PCDH11X: variants seen among roughly 807,000 people sequenced by gnomAD.
PCDH11X encodes protocadherin 11 X-linked.
In PCDH11X, 18 loss-of-function variants were observed where a neutral mutation model predicts 53.3. The ratio of observed to expected loss-of-function variants is 0.34; its 90% CI spans 0.23 to 0.50. The LOEUF is 0.50. Among genes scored for constraint, PCDH11X ranks in the 20% least tolerant of loss-of-function variants. The probability of loss-of-function intolerance (pLI) is 0.98; values close to 1 mark genes in which losing one functional copy is unlikely to be tolerated. For synonymous variants in PCDH11X, 279 were observed against 393.3 expected, an observed-to-expected ratio of 0.71 and a Z score of 3.44; for missense variants, 570 against 1,032.4, an observed-to-expected ratio of 0.55 and a Z score of 6.14.
chrX:92,126,710 AGTGTGTGT>A (rs71913292), intron 6 of PCDH11X, among the ~76,000 whole-genome samples: 11 of 100,586 alleles, frequency 1.1e-4, no homozygotes, highest in Admixed American at 2.2e-4. Context: ...ATATGTGGGG[AGTGTGTGT>A]GTGTGTGTGT....
intron 4 of PCDH11X, among the ~76,000 whole-genome samples, chrX:91,827,505 C>T (rs2147601660): frequency 9.1e-6 from 1 of 109,946 alleles, no homozygotes; most frequent in Non-Finnish European, 1.9e-5. Flanking sequence ...TTGTTTTTGG[C>T]ATGTTCATCA....
At chrX:92,043,283 C>T (rs1569324155) in intron 6 of PCDH11X, among the ~76,000 whole-genome samples, 1 of 109,494 alleles carries the variant, frequency 9.1e-6, no homozygotes, top group Non-Finnish European at 1.9e-5. Context: ...AATTAGTGAT[C>T]TTAGCTTTAC....
At chrX:92,399,144 G>C (rs771726046) in intron 9 of PCDH11X, among the ~76,000 whole-genome samples, 2 of 105,632 alleles carry the variant, frequency 1.9e-5, no homozygotes, top group South Asian at 8.8e-4. Flanking sequence ...AGTGAGCTGA[G>C]ATAGCGCCAC....
chrX:92,221,118 G>A (rs1258187135), intron 7 of PCDH11X, among the ~76,000 whole-genome samples: 21 of 94,775 alleles, frequency 2.2e-4, no homozygotes, highest in African/African-American at 7.2e-4. Context: ...GTTAATGGGT[G>A]CAGCACACCA....
chrX:92,255,396 G>T (rs370423233), intron 7 of PCDH11X, among the ~76,000 whole-genome samples: 4 of 101,260 alleles, frequency 4.0e-5, no homozygotes, highest in Admixed American at 3.1e-4. Context: ...ATGTCCTCCC[G>T]TAGCTCAGAG....
chrX:91,908,929 C>T (rs914168964), intron 6 of PCDH11X, among the ~76,000 whole-genome samples: 2 of 109,387 alleles, frequency 1.8e-5, no homozygotes, highest in African/African-American at 3.3e-5. Flanking sequence ...TGTGGAAATT[C>T]CTCAAAGACC....
At chrX:92,208,703 G>A (rs772344062) in intron 7 of PCDH11X, among the ~76,000 whole-genome samples, 54 of 104,376 alleles carry the variant, frequency 5.2e-4, no homozygotes, top group East Asian at 3.0e-3. Flanking sequence ...CAGAATATAA[G>A]GTGTTGAAAT....
At position 91,900,504 on chromosome X, in the gene PCDH11X, A is replaced by T. The variant is rs889753777; in HGVS notation, c.3033+21231A>T. Among the ~76,000 whole-genome samples, 18 of 108,740 alleles carry T rather than the reference A, an allele frequency of 1.7e-4. No homozygotes were observed. In the Admixed American group the frequency reaches 1.8e-3, roughly 11 times the overall value. 94.4% of individuals were successfully genotyped at this position (108,740 alleles called of 115,157 possible). A position where few individuals can be genotyped will look rare whatever the true frequency, so the allele number is the denominator to read the frequency against. On this transcript the variant is annotated intron_variant, in intron 6 of 10. Transcript: ENST00000682573. ...TATATTGGACAGTGATTCAGAGGAT[A>T]CACAGCCTTCTGGAGAACTTTGCCC...
chrX:92,579,393 A>G (rs1245044363), intron 10 of PCDH11X, among the ~76,000 whole-genome samples: 1 of 107,715 alleles, frequency 9.3e-6, no homozygotes, highest in Non-Finnish European at 1.9e-5. Flanking sequence ...AATCAGTTTT[A>G]GGTTTGGTCT....
At chrX:91,999,244 A>G (rs1021649400) in intron 6 of PCDH11X, among the ~76,000 whole-genome samples, 3 of 111,630 alleles carry the variant, frequency 2.7e-5, no homozygotes, top group African/African-American at 9.8e-5. Flanking sequence ...AAAGAGCAAT[A>G]CAGTAACATT....
At chrX:92,587,056 T>A (rs1297274134) in intron 10 of PCDH11X, among the ~76,000 whole-genome samples, 1 of 103,089 alleles carries the variant, frequency 9.7e-6, no homozygotes, top group Non-Finnish European at 2.0e-5. Context: ...ATATTGACAG[T>A]CTTCAGTGGG....
chrX:92,048,417 A>G lies in PCDH11X; in HGVS notation c.3034-152958A>G, dbSNP rs894927251. On this transcript the variant is annotated intron_variant, in intron 6 of 10. Coordinates refer to ENST00000682573, the MANE Select transcript of PCDH11X (RefSeq NM_032968.5). The stretch of plus-strand genomic sequence containing the variant: ...GAAACAAAAAAGCTCTTATTTAAAG[A>G]ATAAGCTATCTAGTTTCAATGAGTA... 1.3e-4 allele frequency among the ~76,000 whole-genome samples: 15 copies of G among 111,318 alleles called. 1 individual carries two copies. In the Admixed American group the frequency reaches 1.4e-3, roughly 11 times the overall value.
intron 10 of PCDH11X, among the ~76,000 whole-genome samples, chrX:92,578,951 A>C (rs998557750): frequency 9.0e-6 from 1 of 111,341 alleles, no homozygotes; most frequent in African/African-American, 3.3e-5. Flanking sequence ...ATGGTGATGA[A>C]TTCCCTCAGC....
intron 6 of PCDH11X, among the ~76,000 whole-genome samples, chrX:92,117,487 T>C (rs1045949285): frequency 5.4e-5 from 6 of 110,932 alleles, no homozygotes; most frequent in African/African-American, 2.0e-4. Flanking sequence ...CTTTGTTCTC[T>C]TGAAGAACAA....
rs185107392 is a variant in PCDH11X at position 92,430,782 on chromosome X, G to C, written c.3344-37517G>C. 3.6e-5 allele frequency among the ~76,000 whole-genome samples: 4 copies of C among 110,126 alleles called. No homozygotes were observed. In the East Asian group the frequency reaches 1.1e-3, roughly 31 times the overall value. ...GTTATGAGGCAGTAAGGTGATGGCAGAGGCAGCACTATATATAGCACATAA... is the reference window on the plus strand; with the variant it reads ...GTTATGAGGCAGTAAGGTGATGGCACAGGCAGCACTATATATAGCACATAA... On this transcript the variant is annotated intron_variant, in intron 9 of 10. Transcript: ENST00000682573.
At chrX:91,897,403 C>A (rs1423215686) in intron 6 of PCDH11X, among the ~76,000 whole-genome samples, 1 of 106,030 alleles carries the variant, frequency 9.4e-6, no homozygotes, top group African/African-American at 3.5e-5. Flanking sequence ...ATTTTGACAT[C>A]AATTTATAAT....
intron 6 of PCDH11X, among the ~76,000 whole-genome samples, chrX:92,100,408 AG>A (rs922159640): frequency 8.3e-5 from 9 of 108,182 alleles, no homozygotes; most frequent in African/African-American, 3.1e-4. Context: ...TTACAGTCAA[AG>A]GGGGTTTGTT....
chrX:92,090,650 G>A (rs939037330), intron 6 of PCDH11X, among the ~76,000 whole-genome samples: 2 of 110,628 alleles, frequency 1.8e-5, no homozygotes, highest in African/African-American at 3.3e-5. Flanking sequence ...CTAACAAACA[G>A]AGACAGACTT....
At chrX:92,097,223 C>T (rs1452686293) in intron 6 of PCDH11X, among the ~76,000 whole-genome samples, 1 of 109,932 alleles carries the variant, frequency 9.1e-6, no homozygotes, top group Non-Finnish European at 1.9e-5. Context: ...TTGAGACCAG[C>T]CTGGGAAACA....
Sources: allele counts gnomAD v4.1 joint callset (sites outside exome capture counted in the v4.1 genomes callset), GRCh38; gene constraint gnomAD v4.1.1; transcripts MANE v1.5; gene names NCBI Gene and HGNC (gene_info 2026-07-23, HGNC 2026-07-21).